The following INPP4B variants were observed in gnomAD, a reference collection of about 807,000 sequenced individuals.
INPP4B encodes the protein inositol polyphosphate 4-phosphatase type II.
Under a neutral mutation model 122.5 loss-of-function variants are expected in INPP4B, and 55 were observed. The ratio of observed to expected loss-of-function variants is 0.45; its 90% CI spans 0.36 to 0.56. INPP4B has a LOEUF of 0.56. Ranked by LOEUF, INPP4B falls within the 20% of genes least tolerant of loss-of-function variation. The pLI is 0.00. For missense variants in INPP4B, 1,000 were observed against 1,097.7 expected (o/e 0.91, Z 1.26); for synonymous variants, 403 against 388.7 (o/e 1.04, Z -0.43).
At chr4:142,208,295 T>G in intron 14 of INPP4B, 130 bp downstream of exon 14, 38 of 444,708 alleles carry the variant, frequency 8.5e-5, no homozygotes, top group East Asian at 1.4e-4. Flanking sequence ...AGGGTCATTA[T>G]GAGGTTCAAC....
At chr4:142,768,869 A>G (rs1231545964) in intron 1 of INPP4B, among the ~76,000 whole-genome samples, 1 of 152,166 alleles carries the variant, frequency 6.6e-6, no homozygotes, top group African/African-American at 2.4e-5. Flanking sequence ...TTTGGGATTA[A>G]TTCTACAGGC....
In INPP4B at chr4:142,444,989, G is replaced by GAACATC. The variant is rs1812598401; in HGVS notation, c.-126-13610_-126-13605dup. 2.0e-5 allele frequency among the ~76,000 whole-genome samples: 3 copies of GAACATC among 152,044 alleles called. No homozygotes were observed. The South Asian group carries it at 6.2e-4, about 32-fold the overall frequency. On this transcript the variant is annotated intron_variant, in intron 3 of 25. Coordinates refer to ENST00000262992, the MANE Select transcript of INPP4B (RefSeq NM_001101669.3). Reference sequence around the variant, plus strand: ...TGAGAACAAACAGACACAGAGAGGGGAACATCACACACCAGGGCCTGTCAG... The same window carrying GAACATC: ...TGAGAACAAACAGACACAGAGAGGGGAACATCAACATCACACACCAGGGCCTGTCAG...
chr4:142,247,695 G>T (rs1729613424), intron 11 of INPP4B, among the ~76,000 whole-genome samples: 1 of 151,842 alleles, frequency 6.6e-6, no homozygotes, highest in South Asian at 2.1e-4. Flanking sequence ...TTCTTTATTA[G>T]TCTGGCTGGT....
intron 2 of INPP4B, among the ~76,000 whole-genome samples, chr4:142,556,508 A>G (rs75429844): frequency 0.054 from 8,259 of 152,248 alleles, 273 homozygotes; most frequent in South Asian, 0.068. Flanking sequence ...TTTTGGGAAT[A>G]AAGGAGAAAG....
At chr4:142,428,439 GAA>G (rs761603416) in intron 5 of INPP4B, among the ~76,000 whole-genome samples, 8 of 131,648 alleles carry the variant, frequency 6.1e-5, no homozygotes, top group Admixed American at 2.3e-4. Flanking sequence ...ACCATGACAG[GAA>G]AAAAAAAAAA....
chr4:142,028,588 A>C lies in INPP4B; in HGVS notation c.*194T>G, dbSNP rs987937818. On this transcript the variant is annotated 3_prime_UTR_variant, in exon 26 of 26. Coordinates refer to ENST00000262992, the MANE Select transcript of INPP4B (RefSeq NM_001101669.3). ...AGAAATGACAGTACTGAATCATGTA[A>C]GATTTTTTAAAATGGATTTCTTTCA... 1 of 578,974 alleles carries C rather than the reference A, an allele frequency of 1.7e-6. No individual in the cohort carries two copies. Among genetic ancestry groups the C allele is most frequent in the Non-Finnish European group, 3.0e-6 (1 of 335,334 alleles). 35.9% of individuals were successfully genotyped at this position (578,974 alleles called of 1,614,324 possible). A position where few individuals can be genotyped will look rare whatever the true frequency, so the allele number is the denominator to read the frequency against.
chr4:142,057,583 T>C (rs1208986388), intron 25 of INPP4B, among the ~76,000 whole-genome samples: 1 of 152,102 alleles, frequency 6.6e-6, no homozygotes, highest in Non-Finnish European at 1.5e-5. Flanking sequence ...CAAGAAATAG[T>C]TTAGCCTATT....
intron 2 of INPP4B, among the ~76,000 whole-genome samples, chr4:142,587,036 G>T (rs1422013745): frequency 1.3e-5 from 2 of 152,094 alleles, no homozygotes; most frequent in Non-Finnish European, 2.9e-5. Context: ...TTCAAAATGG[G>T]GAGGCTTTGA....
At chr4:142,276,634 T>C (rs1748548927) in intron 9 of INPP4B, among the ~76,000 whole-genome samples, 2 of 151,898 alleles carry the variant, frequency 1.3e-5, no homozygotes, top group Non-Finnish European at 2.9e-5. Flanking sequence ...GAAAAGTTCT[T>C]AGGTTTAAAT....
At chr4:142,339,562 T>C in intron 7 of INPP4B, among the ~76,000 whole-genome samples, 1 of 152,204 alleles carries the variant, frequency 6.6e-6, no homozygotes, top group Admixed American at 6.5e-5. Flanking sequence ...AATCATTGTC[T>C]GCCAGCTGAA....
chr4:142,748,584 A>G (rs1453638275), intron 1 of INPP4B, among the ~76,000 whole-genome samples: 2 of 152,012 alleles, frequency 1.3e-5, no homozygotes, highest in Non-Finnish European at 2.9e-5. Flanking sequence ...ATAATAAAAT[A>G]TAATGAACAA....
At chr4:142,401,624 T>A (rs1801618365) in intron 7 of INPP4B, among the ~76,000 whole-genome samples, 2 of 152,210 alleles carry the variant, frequency 1.3e-5, no homozygotes, top group Non-Finnish European at 2.9e-5. Context: ...AACTTACCCT[T>A]ATTAATTACT....
chr4:142,076,689 T>C (rs1271742477), intron 25 of INPP4B, among the ~76,000 whole-genome samples: 3 of 152,066 alleles, frequency 2.0e-5, no homozygotes, highest in Non-Finnish European at 4.4e-5. Flanking sequence ...CATGTATACA[T>C]ATGTAACAAA....
chr4:142,776,300 C>T (rs1231073085), intron 1 of INPP4B, among the ~76,000 whole-genome samples: 2 of 152,134 alleles, frequency 1.3e-5, no homozygotes, highest in African/African-American at 2.4e-5. Flanking sequence ...TTCTTAAACA[C>T]TAATGTGCTT....
At chr4:142,828,362 G>T (rs143270207) in intron 1 of INPP4B, among the ~76,000 whole-genome samples, 1,672 of 152,156 alleles carry the variant, frequency 0.011, 15 homozygotes, top group Non-Finnish European at 0.016. Context: ...TGGGCTGGAA[G>T]ATTTCTGCCT....
At chr4:142,519,704 C>A (rs1825842049) in intron 2 of INPP4B, among the ~76,000 whole-genome samples, 1 of 152,086 alleles carries the variant, frequency 6.6e-6, no homozygotes, top group Admixed American at 6.6e-5. Context: ...ACCAGAAGCA[C>A]TCAAAGCACA....
chr4:142,270,517 A>G lies in INPP4B; in HGVS notation c.615+146T>C, dbSNP rs978967625. 4.7e-6 allele frequency: 3 copies of G among 641,148 alleles called. No homozygotes were observed. In the East Asian group the frequency reaches 8.1e-5, roughly 17 times the overall value. The allele number at this position is 641,148 out of a possible 1,614,324, so 39.7% of individuals were successfully genotyped here. On this transcript the variant is annotated intron_variant, in intron 10 of 25. Transcript: ENST00000262992. The stretch of plus-strand genomic sequence containing the variant: ...CTTTGATTCAGAGGCTGAAACACAC[A>G]TATTGTATTCCAATTTCAGAGCTGT...
intron 14 of INPP4B, among the ~76,000 whole-genome samples, chr4:142,194,466 G>A (rs1837332658): frequency 6.6e-6 from 1 of 152,108 alleles, no homozygotes; most frequent in Non-Finnish European, 1.5e-5. Context: ...TCTATGTCAT[G>A]GAAAGGCATC....
At chr4:142,318,192 A>G (rs1360955126) in intron 7 of INPP4B, among the ~76,000 whole-genome samples, 1 of 152,068 alleles carries the variant, frequency 6.6e-6, no homozygotes. Flanking sequence ...ACCCAGAGAG[A>G]GAAGAACAAA....
Sources: gnomAD v4.1 joint callset for allele counts (sites outside exome capture counted in the v4.1 genomes callset) on GRCh38, gnomAD v4.1.1 for gene constraint, MANE v1.5 for transcripts, NCBI Gene and HGNC (gene_info 2026-07-23, HGNC 2026-07-21) for gene names.